Variants in POU6F2 observed in about 807,000 individuals in gnomAD.
POU6F2 encodes the protein POU class 6 homeobox 2, also known as POU domain, class 6, transcription factor 2.
In POU6F2, 31 loss-of-function variants were observed where a neutral mutation model predicts 71.3. The observed-to-expected ratio is 0.43, with a 90% confidence interval of 0.33 to 0.59. The LOEUF is 0.59. POU6F2 is among the 20% of genes least tolerant of loss of function. POU6F2 has a pLI of 0.04. For synonymous variants in POU6F2, 347 were observed against 355.7 expected, an observed-to-expected ratio of 0.98 and a Z score of 0.27; for missense variants, 783 against 856.8, an observed-to-expected ratio of 0.91 and a Z score of 1.07.
Position 39,465,269 on chromosome 7 carries a change from A to C in POU6F2, c.*583A>C, listed in dbSNP as rs758562215. 1 of 152,742 alleles carries C rather than the reference A, an allele frequency of 6.5e-6. No homozygotes were observed. The highest frequency in any genetic ancestry group is 1.5e-5 in the Non-Finnish European group (1 of 68,360). 9.5% of individuals were successfully genotyped at this position (152,742 alleles called of 1,614,324 possible). ...GTTCGTCTACGCTTCTCCGCACGTA[A>C]AGTTGTGTTACGAATTTTTACATTT... On this transcript the variant is annotated 3_prime_UTR_variant, in exon 10 of 10. Transcript: ENST00000518318.
At chr7:39,145,123 T>C (rs1409640936) in intron 2 of POU6F2, among the ~76,000 whole-genome samples, 1 of 152,202 alleles carries the variant, frequency 6.6e-6, no homozygotes, top group Non-Finnish European at 1.5e-5. Flanking sequence ...CAAGAGAAAA[T>C]AAAAAAGTAA....
At chr7:39,359,641 A>G (rs2115704633) in intron 5 of POU6F2, among the ~76,000 whole-genome samples, 1 of 152,252 alleles carries the variant, frequency 6.6e-6, no homozygotes. Flanking sequence ...TTTATTTTTT[A>G]GATTCCAGAT....
At chr7:39,173,461 G>A (rs905851392) in intron 2 of POU6F2, among the ~76,000 whole-genome samples, 3 of 152,166 alleles carry the variant, frequency 2.0e-5, no homozygotes, top group South Asian at 2.1e-4. Context: ...GATAATCCAC[G>A]GAGACAGTGC....
chr7:39,389,096 C>A (rs1787012212), intron 5 of POU6F2, among the ~76,000 whole-genome samples: 1 of 152,150 alleles, frequency 6.6e-6, no homozygotes, highest in Admixed American at 6.6e-5. Context: ...GTGTTACTAG[C>A]AATGGCCATA....
chr7:39,429,217 TC>T (rs764237118), intron 6 of POU6F2, among the ~76,000 whole-genome samples: 3 of 151,870 alleles, frequency 2.0e-5, no homozygotes, highest in African/African-American at 7.3e-5. Context: ...CAACTCCCCA[TC>T]CCCCATGTTT....
intron 4 of POU6F2, among the ~76,000 whole-genome samples, chr7:39,320,500 A>G (rs2128768830): frequency 6.6e-6 from 1 of 152,276 alleles, no homozygotes; most frequent in Non-Finnish European, 1.5e-5. Flanking sequence ...AGGGGTTCAT[A>G]ATCCAAAAAG....
chr7:39,104,523 G>T (rs1207705577), intron 2 of POU6F2, among the ~76,000 whole-genome samples: 1 of 152,142 alleles, frequency 6.6e-6, no homozygotes, highest in Non-Finnish European at 1.5e-5. Flanking sequence ...ATGGTGGCTG[G>T]GTTCCCAGGG....
chr7:39,304,071 A>G (rs995252916), intron 4 of POU6F2, among the ~76,000 whole-genome samples: 12 of 152,344 alleles, frequency 7.9e-5, no homozygotes, highest in Admixed American at 7.8e-4. Context: ...TCTAGAACTA[A>G]AAGCAAAACA....
rs552255033 is a variant in POU6F2 at position 39,281,378 on chromosome 7, CA to C, written c.599-58262del. Among the ~76,000 whole-genome samples the C allele has an allele frequency of 4.3e-3, 658 of 152,228 alleles. 5 individuals are homozygous for C. Among genetic ancestry groups the C allele is most frequent in the Non-Finnish European group, 7.5e-3 (512 of 68,008 alleles). On this transcript the variant is annotated intron_variant, in intron 4 of 9. Transcript: ENST00000518318. ...TGTTAAACACAGTTACCCTACTGTG[CA>C]ATAGAATATCAGGACTTACTCCTCC...
chr7:39,393,934 T>G (rs1448951429), intron 5 of POU6F2, among the ~76,000 whole-genome samples: 1 of 152,242 alleles, frequency 6.6e-6, no homozygotes, highest in Non-Finnish European at 1.5e-5. Flanking sequence ...AGTAATTAAT[T>G]GAATTAGCTG....
intron 8 of POU6F2, among the ~76,000 whole-genome samples, chr7:39,453,241 C>T (rs1309864324): frequency 1.3e-5 from 2 of 152,124 alleles, no homozygotes; most frequent in South Asian, 2.1e-4. Context: ...TCTCCAGAAA[C>T]TCTAGTCTGA....
At chr7:38,982,275 A>G (rs1449194005) in intron 1 of POU6F2, among the ~76,000 whole-genome samples, 1 of 152,176 alleles carries the variant, frequency 6.6e-6, no homozygotes. Context: ...CAACAAATTT[A>G]TGTATTTTGG....
rs560299234 is a variant in POU6F2 at position 39,451,633 on chromosome 7, G to A, written c.1421G>A (p.Arg474Gln). 28 of 1,613,182 alleles carry A rather than the reference G, an allele frequency of 1.7e-5. No homozygotes were observed. Among genetic ancestry groups the A allele is most frequent in the Middle Eastern group, 3.3e-4 (2 of 6,060 alleles). The change falls in exon 8 of 10, where the codon CGG becomes CAG. Residue 474 changes from arginine (R) to glutamine (Q), a missense_variant. Coordinates refer to ENST00000518318, the MANE Select transcript of POU6F2 (RefSeq NM_001370959.1). ...GCATCCATGTCTCAAAGTCCCGTCC[G>A]GCAGGCTTCCTCTTCTTCCTCCTCA... The part of the protein sequence containing the change: ...SQASMSQSPV[R>Q]QASSSSSSSS...
intron 1 of POU6F2, among the ~76,000 whole-genome samples, chr7:39,000,530 GACACACACACACACAC>G (rs5883670): frequency 7.1e-6 from 1 of 141,146 alleles, no homozygotes; most frequent in Non-Finnish European, 1.6e-5. Flanking sequence ...CATACCCACA[GACACACACACACACAC>G]ACACACACAC....
intron 2 of POU6F2, among the ~76,000 whole-genome samples, chr7:39,102,743 T>A (rs561947145): frequency 5.3e-5 from 8 of 152,196 alleles, no homozygotes; most frequent in Non-Finnish European, 1.0e-4. Flanking sequence ...TTAGGCAATT[T>A]CATCATTGTG....
At chr7:39,230,335 T>A (rs1469537977) in intron 4 of POU6F2, among the ~76,000 whole-genome samples, 1 of 151,554 alleles carries the variant, frequency 6.6e-6, no homozygotes, top group African/African-American at 2.4e-5. Context: ...AAAAAAAAAA[T>A]TTAGCTGGGT....
chr7:39,304,406 A>G (rs1200322784), intron 4 of POU6F2, among the ~76,000 whole-genome samples: 2 of 152,140 alleles, frequency 1.3e-5, no homozygotes, highest in Non-Finnish European at 2.9e-5. Context: ...GTAACCTCAG[A>G]CGGTTCACCA....
intron 7 of POU6F2, among the ~76,000 whole-genome samples, chr7:39,447,764 C>T (rs1010593586): frequency 1.3e-5 from 2 of 152,108 alleles, no homozygotes; most frequent in Non-Finnish European, 2.9e-5. Flanking sequence ...TCCCTAACTC[C>T]CTGCATTTTC....
intron 4 of POU6F2, among the ~76,000 whole-genome samples, chr7:39,263,853 T>C (rs2128755084): frequency 6.6e-6 from 1 of 152,348 alleles, no homozygotes; most frequent in South Asian, 2.1e-4. Flanking sequence ...CACTGTTGTC[T>C]CTCCAGAGCC....
Sources: gnomAD v4.1 joint callset for allele counts (sites outside exome capture counted in the v4.1 genomes callset) on GRCh38, gnomAD v4.1.1 for gene constraint, MANE v1.5 for transcripts, NCBI Gene and HGNC (gene_info 2026-07-23, HGNC 2026-07-21) for gene names.